The following COL12A1 variants were observed in gnomAD, a reference collection of about 807,000 sequenced individuals.
COL12A1 encodes the protein collagen type XII alpha 1 chain.
Under a neutral mutation model 349.7 loss-of-function variants are expected in COL12A1, and 114 were observed. That is an observed-to-expected ratio of 0.33 (90% CI 0.28 to 0.38). The LOEUF is 0.38. Ranked by LOEUF, COL12A1 falls within the 10% of genes least tolerant of loss-of-function variation. COL12A1 has a pLI of 1.00. For synonymous variants in COL12A1, 1,369 were observed against 1,329.0 expected (o/e 1.03, Z -0.66); for missense variants, 3,284 against 3,756.9 (o/e 0.87, Z 3.29).
intron 25 of COL12A1, among the ~76,000 whole-genome samples, chr6:75,143,872 CA>C (rs1338488410): frequency 6.6e-6 from 1 of 152,198 alleles, no homozygotes; most frequent in Non-Finnish European, 1.5e-5. Flanking sequence ...AAAACCCAGA[CA>C]CCTAAATTGT....
rs756497367 is a variant in COL12A1, at chr6:75,090,345, G to A, written c.8753-47C>T. 2.0e-5 allele frequency: 31 copies of A among 1,537,970 alleles called. No individual in the cohort carries two copies. Among genetic ancestry groups the A allele is most frequent in the Non-Finnish European group, 2.6e-5 (29 of 1,131,132 alleles). On this transcript the variant is annotated intron_variant, in intron 62 of 65. Coordinates refer to ENST00000322507, the MANE Select transcript of COL12A1 (RefSeq NM_004370.6). The surrounding 1 kb of genome is among the most constrained non-coding windows in gnomAD (Gnocchi z 4.1). ...GTTAGTAAGAAACCCAATAAAGGAC[G>A]GATGAGAGAGTGAAACTGTTTTCTC...
At chr6:75,177,641 A>G (rs756599404) in intron 12 of COL12A1, 22 bp downstream of exon 12, 2 of 1,614,052 alleles carry the variant, frequency 1.2e-6, no homozygotes, top group South Asian at 2.2e-5. Context: ...TTGTCACCAT[A>G]TGATAAGCAT....
At chr6:75,167,897 T>C (rs1768392426) in intron 13 of COL12A1, among the ~76,000 whole-genome samples, 1 of 152,240 alleles carries the variant, frequency 6.6e-6, no homozygotes, top group East Asian at 1.9e-4. Flanking sequence ...CTTTTTAAGA[T>C]GCAAATTAAA....
intron 39 of COL12A1, among the ~76,000 whole-genome samples, chr6:75,125,668 A>G (rs1340859953): frequency 6.6e-6 from 1 of 152,120 alleles, no homozygotes; most frequent in African/African-American, 2.4e-5. Flanking sequence ...CTCATTCCAC[A>G]TACTTTGGCT....
chr6:75,111,824 T>A (rs1768855318), intron 51 of COL12A1, among the ~76,000 whole-genome samples: 1 of 151,774 alleles, frequency 6.6e-6, no homozygotes, highest in Non-Finnish European at 1.5e-5. Flanking sequence ...TTTCCTTTTT[T>A]TTTTGTTATC....
At position 75,183,322 on chromosome 6, in the gene COL12A1, T is replaced by C. The variant is rs543760014; in HGVS notation, c.1619A>G (p.Asn540Ser). The C allele has an allele frequency of 6.8e-6, 11 of 1,614,226 alleles. No homozygotes were observed. In the East Asian group the frequency reaches 2.0e-4, roughly 29 times the overall value. Residue 540 changes from asparagine (N) to serine (S), a missense_variant, in exon 10 of 66, where the codon AAT becomes AGT. By Grantham distance (46) the Asn-to-Ser change is conservative. This residue lies in a region of COL12A1 where 2,601 missense variants were observed against 2,824.8 expected (regional missense o/e 0.92). Coordinates refer to ENST00000322507, the MANE Select transcript of COL12A1 (RefSeq NM_004370.6). Reference protein sequence around the residue: ...IFVPSKGSRSNVPKVMILITD... With the variant: ...IFVPSKGSRSSVPKVMILITD... Reference sequence around the variant, plus strand: ...GATAAGAATCATGACCTTTGGCACATTGCTTCTTGATCCCTTGCTAGGCAC... The same window carrying C: ...GATAAGAATCATGACCTTTGGCACACTGCTTCTTGATCCCTTGCTAGGCAC...
intron 30 of COL12A1, 106 bp from the exon 31 acceptor site, chr6:75,137,685 A>G: frequency 8.2e-7 from 1 of 1,219,750 alleles, no homozygotes; most frequent in South Asian, 1.4e-5. Flanking sequence ...CTCTGGGTTT[A>G]TAATTAAATT....
chr6:75,173,784 T>G (rs1236957836), intron 13 of COL12A1, among the ~76,000 whole-genome samples: 1 of 152,228 alleles, frequency 6.6e-6, no homozygotes, highest in Non-Finnish European at 1.5e-5. Flanking sequence ...TTACAATATC[T>G]ACAACCTTCC....
At position 75,138,462 on chromosome 6, in the gene COL12A1, C is replaced by A; in HGVS notation, c.5216G>T (p.Gly1739Val). 6.2e-7 allele frequency: 1 copy of A among 1,613,750 alleles called. No homozygotes were observed. Among genetic ancestry groups the A allele is most frequent in the South Asian group, 1.1e-5 (1 of 90,946 alleles). ...PDESESDDLIGSERTLPILTT... is the reference protein window; with the variant it reads ...PDESESDDLIVSERTLPILTT... ...TAAACACCTACGTGTGCGCTCACTG[C>A]CAATCAGGTCATCACTTTCTGACTC... The change falls in exon 29 of 66, where the codon GGC becomes GTC. Residue 1739 changes from glycine (G) to valine (V), a missense_variant. Coordinates refer to ENST00000322507, the MANE Select transcript of COL12A1 (RefSeq NM_004370.6).
rs765124645 is a variant in COL12A1 at position 75,192,366 on chromosome 6, A to G, written c.191-11T>C. The G allele has an allele frequency of 3.7e-6, 6 of 1,607,968 alleles. No homozygotes were observed. In the South Asian group the frequency reaches 6.6e-5, roughly 18 times the overall value. On this transcript the variant is annotated splice_polypyrimidine_tract_variant and intron_variant, in intron 3 of 65. Coordinates refer to ENST00000322507, the MANE Select transcript of COL12A1 (RefSeq NM_004370.6). ...CTTTAGTAGGCCCATCTGGAAATATAAAAAGGAAAAATATGAATGCAACAA... is the reference window on the plus strand; with the variant it reads ...CTTTAGTAGGCCCATCTGGAAATATGAAAAGGAAAAATATGAATGCAACAA...
Position 75,183,135 on chromosome 6 carries a change from A to G in COL12A1, c.1806T>C (p.Phe602=), listed in dbSNP as rs772488034. 1.2e-6 allele frequency: 2 copies of G among 1,614,156 alleles called. No homozygotes were observed. Among genetic ancestry groups the G allele is most frequent in the South Asian group, 2.2e-5 (2 of 91,084 alleles). Residue 602 remains phenylalanine, a synonymous_variant, in exon 10 of 66, where the codon TTT becomes TTC. Coordinates refer to ENST00000322507, the MANE Select transcript of COL12A1 (RefSeq NM_004370.6). ...AETHVFTVED[F]DAFQRISFEL... ...CAAAAGATATCCTCTGAAAAGCATC[A>G]AAATCTTCCACTGTGAACACATGGG...
At chr6:75,160,679 C>T (rs545470937) in intron 14 of COL12A1, among the ~76,000 whole-genome samples, 1 of 152,254 alleles carries the variant, frequency 6.6e-6, no homozygotes, top group East Asian at 1.9e-4. Flanking sequence ...CTCACATGCT[C>T]AAGTTCCTGA....
chr6:75,108,942 C>G, intron 52 of COL12A1, 76 bp downstream of exon 52: 1 of 1,434,942 alleles, frequency 7.0e-7, no homozygotes, highest in Non-Finnish European at 9.6e-7. Context: ...TAAAATAAAA[C>G]TCAAGGAGTT....
chr6:75,145,762 G>C (rs1435390216), intron 24 of COL12A1, among the ~76,000 whole-genome samples: 2 of 151,910 alleles, frequency 1.3e-5, no homozygotes, highest in Non-Finnish European at 2.9e-5. Context: ...CTCCTGAGTG[G>C]CTGGGACTAC....
Position 75,138,590 on chromosome 6 carries a change from A to G in COL12A1, c.5098-10T>C, listed in dbSNP as rs968352189. ...CTCCATTTAAGATGGTCTTGGAGAA[A>G]GAGGACAAAAACATACCCACGCAAA... On this transcript the variant is annotated splice_polypyrimidine_tract_variant and intron_variant, in intron 28 of 65. Coordinates refer to ENST00000322507, the MANE Select transcript of COL12A1 (RefSeq NM_004370.6). 2 of 1,612,768 alleles carry G rather than the reference A, an allele frequency of 1.2e-6. No homozygotes were observed. Among genetic ancestry groups the G allele is most frequent in the Non-Finnish European group, 1.7e-6 (2 of 1,179,550 alleles).
chr6:75,124,948 A>G (rs1171358257), intron 40 of COL12A1, among the ~76,000 whole-genome samples, 179 bp downstream of exon 40: 3 of 152,188 alleles, frequency 2.0e-5, no homozygotes, highest in African/African-American at 7.2e-5. Flanking sequence ...ATATTTTTAT[A>G]TACTCAATTA....
chr6:75,084,606 T>C lies in COL12A1; in HGVS notation c.*1941A>G, dbSNP rs1226162326. ...TCTAAAACAAGGAGGTTTAAGGCAATATGGAACTGTATCCCGTTGATGCAC... is the reference window on the plus strand; with the variant it reads ...TCTAAAACAAGGAGGTTTAAGGCAACATGGAACTGTATCCCGTTGATGCAC... On this transcript the variant is annotated 3_prime_UTR_variant, in exon 66 of 66. Transcript: ENST00000322507. The C allele has an allele frequency of 1.3e-5, 2 of 152,824 alleles. No homozygotes were observed. Among genetic ancestry groups the C allele is most frequent in the Admixed American group, 1.3e-4 (2 of 15,312 alleles). 9.5% of individuals were successfully genotyped at this position (152,824 alleles called of 1,614,324 possible).
intron 56 of COL12A1, 41 bp downstream of exon 56, chr6:75,102,556 A>G (rs781689346): frequency 7.3e-7 from 1 of 1,361,538 alleles, no homozygotes. Flanking sequence ...CTAAATGTTT[A>G]TCCACCACTC....
chr6:75,099,689 G>T (rs1768212454), intron 58 of COL12A1, among the ~76,000 whole-genome samples: 1 of 152,110 alleles, frequency 6.6e-6, no homozygotes, highest in Non-Finnish European at 1.5e-5. Flanking sequence ...CCAAGTGAGG[G>T]GGCTGAGAAG....
Sources: allele counts gnomAD v4.1 joint callset (sites outside exome capture counted in the v4.1 genomes callset), GRCh38; gene constraint gnomAD v4.1.1; regional missense constraint gnomAD v4.1.1; non-coding constraint Gnocchi (gnomAD v3.1); transcripts MANE v1.5; gene names NCBI Gene and HGNC (gene_info 2026-07-23, HGNC 2026-07-21).